Variants in CNTNAP2 observed in about 807,000 individuals in gnomAD.
CNTNAP2 encodes contactin-associated protein-like 2.
Under a neutral mutation model 155.2 loss-of-function variants are expected in CNTNAP2, and 98 were observed. That is an observed-to-expected ratio of 0.63 (90% CI 0.54 to 0.75). The LOEUF (loss-of-function observed/expected upper bound fraction) is 0.75, where lower values mean the gene tolerates loss of function less well. CNTNAP2 is among the 30% of genes least tolerant of loss of function. The pLI is 0.00. For synonymous variants in CNTNAP2, 651 were observed against 631.2 expected (o/e 1.03, Z -0.47); for missense variants, 1,727 against 1,688.1 (o/e 1.02, Z -0.40).
intron 1 of CNTNAP2, among the ~76,000 whole-genome samples, chr7:146,160,428 A>T (rs1798199424): frequency 6.6e-6 from 1 of 152,210 alleles, no homozygotes; most frequent in African/African-American, 2.4e-5. Flanking sequence ...AAGATCAACA[A>T]AATTGATAGA....
intron 4 of CNTNAP2, among the ~76,000 whole-genome samples, chr7:147,059,651 G>A (rs922278565): frequency 1.3e-5 from 2 of 152,102 alleles, no homozygotes; most frequent in African/African-American, 4.8e-5. Flanking sequence ...AAATATTGGA[G>A]CTAGGAACTG....
chr7:146,616,286 C>T (rs540448523), intron 1 of CNTNAP2, among the ~76,000 whole-genome samples: 3 of 152,148 alleles, frequency 2.0e-5, no homozygotes, highest in East Asian at 3.9e-4. Flanking sequence ...TCTTTTGAAA[C>T]GACTTGCTGG....
At chr7:147,646,097 G>T (rs190823524) in intron 13 of CNTNAP2, among the ~76,000 whole-genome samples, 143 of 152,292 alleles carry the variant, frequency 9.4e-4, no homozygotes, top group African/African-American at 3.0e-3. Flanking sequence ...CTGCATGTCT[G>T]GGAGGCCAGC....
At chr7:146,210,942 A>G (rs1224062093) in intron 1 of CNTNAP2, among the ~76,000 whole-genome samples, 1 of 152,090 alleles carries the variant, frequency 6.6e-6, no homozygotes, top group Non-Finnish European at 1.5e-5. Context: ...GAACCAATCA[A>G]CTACCCTGAG....
intron 8 of CNTNAP2, among the ~76,000 whole-genome samples, chr7:147,206,252 T>A (rs1803020668): frequency 7.1e-6 from 1 of 140,100 alleles, no homozygotes; most frequent in South Asian, 2.5e-4. Flanking sequence ...GATTTACTTT[T>A]TAAACCTGTA....
At chr7:147,673,219 CCTCTGCCACA>C (rs1325700531) in intron 13 of CNTNAP2, 1 of 152,094 alleles carries the variant, frequency 6.6e-6, no homozygotes, top group Non-Finnish European at 1.5e-5. Flanking sequence ...CCAACTGGCT[CCTCTGCCACA>C]CTGCTGCAGT....
At chr7:146,714,016 A>C (rs1801143902) in intron 1 of CNTNAP2, among the ~76,000 whole-genome samples, 1 of 151,866 alleles carries the variant, frequency 6.6e-6, no homozygotes, top group African/African-American at 2.4e-5. Context: ...AGAGCAAATA[A>C]AAAAAAATTG....
chr7:147,059,666 A>G (rs1327110151), intron 4 of CNTNAP2, among the ~76,000 whole-genome samples: 1 of 152,180 alleles, frequency 6.6e-6, no homozygotes, highest in Non-Finnish European at 1.5e-5. Flanking sequence ...GAACTGAGCA[A>G]TAAGCAGCAT....
intron 3 of CNTNAP2, among the ~76,000 whole-genome samples, chr7:147,009,977 T>C (rs751603013): frequency 4.6e-5 from 7 of 151,796 alleles, no homozygotes; most frequent in African/African-American, 9.7e-5. Flanking sequence ...TCCAGTATCA[T>C]TGAACACACC....
chr7:147,797,704 G>A (rs1393526818), intron 13 of CNTNAP2, among the ~76,000 whole-genome samples: 3 of 152,054 alleles, frequency 2.0e-5, no homozygotes, highest in African/African-American at 7.2e-5. Flanking sequence ...CATTTTTAAT[G>A]CATATCCATT....
chr7:146,511,172 A>G (rs773557441), intron 1 of CNTNAP2, among the ~76,000 whole-genome samples: 3 of 152,218 alleles, frequency 2.0e-5, no homozygotes, highest in Non-Finnish European at 2.9e-5. Flanking sequence ...TGCTGGGATT[A>G]CAGGCATGTG....
intron 21 of CNTNAP2, among the ~76,000 whole-genome samples, chr7:148,351,511 G>A (rs189585484): frequency 4.2e-3 from 637 of 152,026 alleles, no homozygotes; most frequent in African/African-American, 6.9e-3. Flanking sequence ...TTGGGAGGCC[G>A]AGGTGGGCAG....
At chr7:146,442,247 G>A (rs1158070358) in intron 1 of CNTNAP2, among the ~76,000 whole-genome samples, 2 of 151,468 alleles carry the variant, frequency 1.3e-5, no homozygotes, top group African/African-American at 4.9e-5. Flanking sequence ...TGCATCGAGG[G>A]TTTCTTATGC....
rs189711724 is a variant in CNTNAP2 at position 146,165,147 on chromosome 7, T to C, written c.97+48174T>C. On this transcript the variant is annotated intron_variant, in intron 1 of 23. Transcript: ENST00000361727. ...TGATTTGGGTAAACTTTTCTTTTCT[T>C]AACTTTCTTTGTTATCTTGGAAAAA... Among the ~76,000 whole-genome samples the C allele has an allele frequency of 2.6e-4, 40 of 152,280 alleles. 2 individuals are homozygous for C. In the Middle Eastern group the frequency reaches 0.031, roughly 117 times the overall value.
At chr7:146,172,027 T>G (rs1175276066) in intron 1 of CNTNAP2, among the ~76,000 whole-genome samples, 1 of 132,406 alleles carries the variant, frequency 7.6e-6, no homozygotes, top group Non-Finnish European at 1.6e-5. Context: ...AAAAATGCTC[T>G]TAGTATTTTT....
At chr7:146,358,042 A>G (rs1795026299) in intron 1 of CNTNAP2, among the ~76,000 whole-genome samples, 1 of 147,070 alleles carries the variant, frequency 6.8e-6, no homozygotes, top group South Asian at 2.1e-4. Context: ...TTATTTATTT[A>G]TTTATTTTTT....
At chr7:147,625,392 C>A (rs1794952632) in intron 12 of CNTNAP2, among the ~76,000 whole-genome samples, 2 of 151,790 alleles carry the variant, frequency 1.3e-5, no homozygotes, top group Middle Eastern at 3.4e-3. Flanking sequence ...TATGATGTAC[C>A]CACAAAAATT....
chr7:147,515,189 C>A (rs1219625936), intron 11 of CNTNAP2, among the ~76,000 whole-genome samples: 1 of 152,142 alleles, frequency 6.6e-6, no homozygotes, highest in Non-Finnish European at 1.5e-5. Context: ...TCCATCAACT[C>A]CATCCAGTCA....
chr7:146,703,769 C>A (rs1800917083), intron 1 of CNTNAP2, among the ~76,000 whole-genome samples: 1 of 152,094 alleles, frequency 6.6e-6, no homozygotes, highest in Non-Finnish European at 1.5e-5. Context: ...TCCCAAAGGT[C>A]CCACCTTTTA....
Sources: gnomAD v4.1 joint callset for allele counts (sites outside exome capture counted in the v4.1 genomes callset) on GRCh38, gnomAD v4.1.1 for gene constraint, MANE v1.5 for transcripts, NCBI Gene and HGNC (gene_info 2026-07-23, HGNC 2026-07-21) for gene names.